Variants in TMEM26 observed in about 807,000 individuals in gnomAD.
TMEM26 encodes transmembrane protein 26.
A neutral mutation model predicts 28.8 loss-of-function variants in TMEM26; 38 were observed. The observed-to-expected ratio is 1.32, with a 90% CI of 1.02 to 1.73. TMEM26 has a LOEUF of 1.73. Ranked by LOEUF, TMEM26 falls within the 40% of genes most tolerant of loss-of-function variation. The pLI is 0.00. For synonymous variants in TMEM26, 227 were observed against 182.9 expected (o/e 1.24, Z -1.95); for missense variants, 518 against 447.1 (o/e 1.16, Z -1.43).
intron 1 of TMEM26, among the ~76,000 whole-genome samples, chr10:61,445,756 A>G (rs1840170374): frequency 1.3e-5 from 2 of 152,152 alleles, no homozygotes; most frequent in African/African-American, 4.8e-5. Flanking sequence ...CCTAGTACCA[A>G]GACTTTACAG....
rs757036803 is a variant in TMEM26 at position 61,429,098 on chromosome 10, T to C, written c.433A>G (p.Thr145Ala). Residue 145 changes from threonine (T) to alanine (A), a missense_variant, in exon 4 of 6, where the codon ACA becomes GCA. By Grantham distance (58) the Thr-to-Ala change is moderately conservative (BLOSUM62 0). Coordinates refer to ENST00000399298, the MANE Select transcript of TMEM26 (RefSeq NM_178505.8). Reference protein sequence around the residue: ...NLSTVCEKVWTLGLHQTFLLM... With the variant: ...NLSTVCEKVWALGLHQTFLLM... ...AGGAATGTCTGATGGAGTCCCAATGTCCAAACTTTCTCACATACTGTAGAT... is the reference window on the plus strand; with the variant it reads ...AGGAATGTCTGATGGAGTCCCAATGCCCAAACTTTCTCACATACTGTAGAT... The C allele has an allele frequency of 6.2e-7, 1 of 1,613,322 alleles. No individual in the cohort carries two copies. The highest frequency in any genetic ancestry group is 1.3e-5 in the African/African-American group (1 of 75,016).
intron 1 of TMEM26, among the ~76,000 whole-genome samples, chr10:61,451,076 C>T (rs1270368873): frequency 1.3e-5 from 2 of 152,130 alleles, no homozygotes; most frequent in Admixed American, 1.3e-4. Flanking sequence ...CCAGATTTTA[C>T]CCCATTATCT....
intron 4 of TMEM26, among the ~76,000 whole-genome samples, chr10:61,423,851 A>G (rs894984978): frequency 2.6e-5 from 4 of 152,214 alleles, no homozygotes; most frequent in Non-Finnish European, 5.9e-5. Flanking sequence ...ATAAAAGACA[A>G]CCAACAAGTA....
intron 4 of TMEM26, among the ~76,000 whole-genome samples, chr10:61,428,265 C>A (rs920016146): frequency 4.6e-5 from 7 of 152,072 alleles, no homozygotes; most frequent in Admixed American, 6.6e-5. Flanking sequence ...GAAAGTCGTT[C>A]CGTAAACAGA....
At chr10:61,446,360 C>G (rs1222298371) in intron 1 of TMEM26, among the ~76,000 whole-genome samples, 1 of 152,172 alleles carries the variant, frequency 6.6e-6, no homozygotes, top group Non-Finnish European at 1.5e-5. Flanking sequence ...ATATAAAACA[C>G]ACATTCCCAC....
chr10:61,410,835 G>C, intron 5 of TMEM26, 89 bp from the exon 6 acceptor site: 3 of 1,212,584 alleles, frequency 2.5e-6, no homozygotes, highest in East Asian at 4.7e-5. Context: ...TAACAATGGG[G>C]ACTGTGCTAG....
chr10:61,444,098 G>A (rs1840139252), intron 1 of TMEM26, among the ~76,000 whole-genome samples: 1 of 152,140 alleles, frequency 6.6e-6, no homozygotes, highest in Non-Finnish European at 1.5e-5. Flanking sequence ...CCTCTGAAAT[G>A]GTCCTTGTCA....
intron 5 of TMEM26, among the ~76,000 whole-genome samples, chr10:61,411,894 A>G (rs1369776309): frequency 2.0e-5 from 3 of 152,236 alleles, no homozygotes; most frequent in Admixed American, 6.5e-5. Flanking sequence ...TTGTTGGAAA[A>G]TACAATAATG....
chr10:61,413,524 GCAGGAC>G lies in TMEM26; in HGVS notation c.611_616del (p.Ser204_Ala206delinsThr). 3.1e-6 allele frequency: 5 copies of G among 1,608,594 alleles called. No individual in the cohort carries two copies. Among genetic ancestry groups the G allele is most frequent in the Non-Finnish European group, 4.2e-6 (5 of 1,177,920 alleles). On this transcript the variant is annotated inframe_deletion, in exon 5 of 6. Transcript: ENST00000399298. The stretch of plus-strand genomic sequence containing the variant: ...TATAACAAGGATGGCATAGACTAGT[GCAGGAC>G]TATTCCTAGAATACAGACAAAATGT...
At position 61,408,868 on chromosome 10, in the gene TMEM26, AT is replaced by A. The variant is rs1454730707; in HGVS notation, c.*1453del. ...ATGCATGACTCTGTATAAAAACACA[AT>A]TTGTCTATAAAAGTTTGTATAAAAT... On this transcript the variant is annotated 3_prime_UTR_variant, in exon 6 of 6. Coordinates refer to ENST00000399298, the MANE Select transcript of TMEM26 (RefSeq NM_178505.8). 1.3e-5 allele frequency: 2 copies of A among 152,170 alleles called. No homozygotes were observed. Among genetic ancestry groups the A allele is most frequent in the Non-Finnish European group, 2.9e-5 (2 of 68,032 alleles). The allele number at this position is 152,170 out of a possible 1,614,324, so 9.4% of individuals were successfully genotyped here. A position where few individuals can be genotyped will look rare whatever the true frequency, so the allele number is the denominator to read the frequency against.
intron 1 of TMEM26, among the ~76,000 whole-genome samples, chr10:61,441,021 G>A (rs1394124514): frequency 1.3e-5 from 2 of 152,094 alleles, no homozygotes; most frequent in African/African-American, 4.8e-5. Context: ...GTAGATAGTT[G>A]CTGTACAGTA....
At chr10:61,446,914 T>C (rs1238068275) in intron 1 of TMEM26, among the ~76,000 whole-genome samples, 4 of 124,946 alleles carry the variant, frequency 3.2e-5, no homozygotes, top group South Asian at 2.7e-4. Context: ...AGAGTGAACA[T>C]ACATGTTGGA....
At chr10:61,419,800 A>C (rs1345006041) in intron 4 of TMEM26, among the ~76,000 whole-genome samples, 1 of 152,156 alleles carries the variant, frequency 6.6e-6, no homozygotes, top group Non-Finnish European at 1.5e-5. Context: ...TTTGAGGAAA[A>C]AAACATAATT....
At chr10:61,445,237 ACTGT>A (rs1422145077) in intron 1 of TMEM26, among the ~76,000 whole-genome samples, 2 of 152,156 alleles carry the variant, frequency 1.3e-5, no homozygotes, top group African/African-American at 4.8e-5. Flanking sequence ...GTATTAAGAG[ACTGT>A]CTGAGAATGG....
In TMEM26 at chr10:61,436,182, G is replaced by A; in HGVS notation, c.258C>T (p.His86=). The change falls in exon 2 of 6, where the codon CAC becomes CAT. Residue 86 remains histidine (H), a synonymous_variant. Transcript: ENST00000399298. ...IVPSLWLLEL[H]HETQYCSIQA... ...CAAAAAGAAGTACCTGGGTCTCATG[G>A]TGCAATTCAAGAAGCCATAATGATG... 1 of 1,604,420 alleles carries A rather than the reference G, an allele frequency of 6.2e-7. No homozygotes were observed. Among genetic ancestry groups the A allele is most frequent in the South Asian group, 1.1e-5 (1 of 89,978 alleles).
intron 1 of TMEM26, among the ~76,000 whole-genome samples, chr10:61,445,813 TG>T (rs1332722151): frequency 2.6e-5 from 4 of 152,122 alleles, no homozygotes; most frequent in African/African-American, 9.7e-5. Context: ...GAATAAACCT[TG>T]ATGTAAATGT....
At chr10:61,432,957 A>C (rs778232023) in intron 2 of TMEM26, among the ~76,000 whole-genome samples, 1 of 152,200 alleles carries the variant, frequency 6.6e-6, no homozygotes, top group Non-Finnish European at 1.5e-5. Flanking sequence ...TTAACCAAGC[A>C]ACAAATTTTC....
intron 5 of TMEM26, chr10:61,412,819 C>A: frequency 2.4e-6 from 1 of 424,052 alleles, no homozygotes; most frequent in Non-Finnish European, 3.7e-6. Flanking sequence ...TTGGTGGGTC[C>A]CCTGTTGAAC....
intron 3 of TMEM26, among the ~76,000 whole-genome samples, chr10:61,430,952 G>A (rs969349737): frequency 1.3e-5 from 2 of 151,764 alleles, no homozygotes; most frequent in African/African-American, 4.8e-5. Context: ...GTCTCTCAAT[G>A]TGCACATATT....
Sources: allele counts gnomAD v4.1 joint callset (sites outside exome capture counted in the v4.1 genomes callset), GRCh38; gene constraint gnomAD v4.1.1; transcripts MANE v1.5; gene names NCBI Gene and HGNC (gene_info 2026-07-23, HGNC 2026-07-21).